The following CACNA2D3 variants were observed in gnomAD, a reference collection of about 807,000 sequenced individuals.
The protein encoded by CACNA2D3 is voltage-dependent calcium channel subunit alpha-2/delta-3.
A neutral mutation model predicts 160.6 loss-of-function variants in CACNA2D3; 60 were observed. The ratio of observed to expected loss-of-function variants is 0.37; its 90% CI spans 0.30 to 0.46. The LOEUF (loss-of-function observed/expected upper bound fraction) is 0.46. Among genes scored for constraint, CACNA2D3 ranks in the 20% least tolerant of loss-of-function variants. CACNA2D3 has a pLI of 1.00. For synonymous variants in CACNA2D3, 558 were observed against 492.9 expected (o/e 1.13, Z -1.75); for missense variants, 1,205 against 1,365.0 (o/e 0.88, Z 1.85).
chr3:54,927,480 T>A (rs1029248557), intron 27 of CACNA2D3, among the ~76,000 whole-genome samples: 5 of 152,226 alleles, frequency 3.3e-5, no homozygotes, highest in Non-Finnish European at 7.3e-5. Context: ...GCTCAAGCAT[T>A]AATTAGTTGC....
intron 4 of CACNA2D3, among the ~76,000 whole-genome samples, chr3:54,392,004 C>G: frequency 6.6e-6 from 1 of 152,150 alleles, no homozygotes; most frequent in East Asian, 1.9e-4. Flanking sequence ...TCCTTTTTTA[C>G]TTTATGCTGC....
intron 9 of CACNA2D3, among the ~76,000 whole-genome samples, chr3:54,599,009 T>C (rs946453386): frequency 2.0e-5 from 3 of 152,128 alleles, no homozygotes; most frequent in Admixed American, 6.5e-5. Flanking sequence ...GTGACAACGA[T>C]AGGAAGATAT....
chr3:55,066,579 C>T (rs1704641515), intron 35 of CACNA2D3, among the ~76,000 whole-genome samples: 1 of 152,066 alleles, frequency 6.6e-6, no homozygotes, highest in Admixed American at 6.5e-5. Context: ...AAGCCCCTCT[C>T]GGAAGATAGT....
chr3:54,843,930 T>G (rs188675908), intron 16 of CACNA2D3, among the ~76,000 whole-genome samples: 1 of 152,146 alleles, frequency 6.6e-6, no homozygotes, highest in Non-Finnish European at 1.5e-5. Flanking sequence ...TGGGTGAGTC[T>G]GAGGTGCCAG....
rs371006961 is a variant in CACNA2D3, at chr3:54,570,070, C to T, written c.854C>T (p.Thr285Ile). ...CAAACAGTCTCATCCATTTTGGATA[C>T]ACTTGGGGATGATGACTTCTTCAAC... is the stretch of plus-strand genomic sequence containing the variant. ...AKQTVSSILD[T>I]LGDDDFFNII... Residue 285 changes from threonine to isoleucine, a missense_variant, in exon 8 of 38, where the codon ACA becomes ATA. Physicochemically the swap from Thr to Ile is moderately conservative, Grantham distance 89. Around this residue, in one of 3 missense-constraint regions of CACNA2D3, gnomAD observed 131 missense variants for 201.5 expected, o/e 0.65. Transcript: ENST00000474759. 1.2e-6 allele frequency: 2 copies of T among 1,613,754 alleles called. No homozygotes were observed. The highest frequency in any genetic ancestry group is 1.7e-6 in the Non-Finnish European group (2 of 1,179,768).
At chr3:54,574,227 G>A (rs148445330) in intron 8 of CACNA2D3, among the ~76,000 whole-genome samples, 87 of 152,210 alleles carry the variant, frequency 5.7e-4, no homozygotes, top group South Asian at 6.2e-4. Flanking sequence ...GGAAGCCCTC[G>A]TGTACTGTAG....
At chr3:54,546,183 C>G (rs1393853845) in intron 5 of CACNA2D3, among the ~76,000 whole-genome samples, 16 of 152,190 alleles carry the variant, frequency 1.1e-4, no homozygotes, top group Admixed American at 1.0e-3. Context: ...AGAACCTGAG[C>G]ATGGAGGCAG....
At chr3:54,239,156 C>T (rs978886446) in intron 2 of CACNA2D3, among the ~76,000 whole-genome samples, 4 of 152,148 alleles carry the variant, frequency 2.6e-5, no homozygotes, top group Admixed American at 1.3e-4. Flanking sequence ...TCAACTAAGT[C>T]CCAGCTCTGG....
intron 14 of CACNA2D3, among the ~76,000 whole-genome samples, chr3:54,835,787 G>C (rs1385837152): frequency 7.3e-5 from 11 of 151,098 alleles, no homozygotes. Flanking sequence ...CCTGTCAGCA[G>C]TGCCTCCAGC....
chr3:54,218,882 CCT>C (rs2107374117), intron 2 of CACNA2D3, among the ~76,000 whole-genome samples: 1 of 152,166 alleles, frequency 6.6e-6, no homozygotes, highest in Admixed American at 6.5e-5. Context: ...CTGTCATCTC[CCT>C]CTCTCTTATA....
At chr3:54,404,023 G>T (rs560706506) in intron 4 of CACNA2D3, among the ~76,000 whole-genome samples, 2 of 152,094 alleles carry the variant, frequency 1.3e-5, no homozygotes, top group South Asian at 2.1e-4. Context: ...AAAAGCCCAG[G>T]ACCAGATGGC....
At chr3:54,779,504 T>A (rs1163248846) in intron 13 of CACNA2D3, among the ~76,000 whole-genome samples, 1 of 152,242 alleles carries the variant, frequency 6.6e-6, no homozygotes, top group Non-Finnish European at 1.5e-5. Context: ...ACAGTTGTAC[T>A]TGTAATGTGC....
intron 3 of CACNA2D3, among the ~76,000 whole-genome samples, chr3:54,339,109 A>T (rs1054756942): frequency 1.3e-5 from 2 of 152,236 alleles, no homozygotes; most frequent in Non-Finnish European, 2.9e-5. Flanking sequence ...ATCAGAATTC[A>T]TTGGCAAGGC....
chr3:55,061,247 C>T (rs1196869296), intron 35 of CACNA2D3, among the ~76,000 whole-genome samples: 1 of 152,196 alleles, frequency 6.6e-6, no homozygotes, highest in Non-Finnish European at 1.5e-5. Flanking sequence ...AGAGAATATG[C>T]TGGTCCGATT....
chr3:54,764,467 C>T (rs1702180947), intron 13 of CACNA2D3, 116 bp downstream of exon 13: 1 of 1,308,492 alleles, frequency 7.6e-7, no homozygotes, highest in Non-Finnish European at 1.0e-6. Flanking sequence ...TGACACTTTT[C>T]TTGATTGTTT....
At chr3:54,924,595 G>T (rs774678019) in intron 27 of CACNA2D3, 2 of 1,553,712 alleles carry the variant, frequency 1.3e-6, no homozygotes, top group Non-Finnish European at 1.8e-6. Flanking sequence ...CACAGATGGG[G>T]GGTTCCAAAT....
chr3:54,626,506 G>A (rs1480914149), intron 9 of CACNA2D3: 11 of 1,607,938 alleles, frequency 6.8e-6, no homozygotes, highest in Non-Finnish European at 8.5e-6. Context: ...CGTCTACAAC[G>A]GCAAGACCTT....
intron 12 of CACNA2D3, among the ~76,000 whole-genome samples, chr3:54,760,197 G>T (rs1420807454): frequency 1.3e-5 from 2 of 151,250 alleles, no homozygotes; most frequent in Non-Finnish European, 2.9e-5. Context: ...CAGGGTGAAG[G>T]GAGAGGAAGT....
intron 35 of CACNA2D3, among the ~76,000 whole-genome samples, chr3:55,064,927 A>G (rs547604946): frequency 2.0e-5 from 3 of 152,308 alleles, no homozygotes; most frequent in East Asian, 3.9e-4. Flanking sequence ...TAGGGACCTG[A>G]GAACACTTCC....
Sources: gnomAD v4.1 joint callset for allele counts (sites outside exome capture counted in the v4.1 genomes callset) on GRCh38, gnomAD v4.1.1 for gene constraint, gnomAD v4.1.1 regional missense constraint, MANE v1.5 for transcripts, NCBI Gene and HGNC (gene_info 2026-07-23, HGNC 2026-07-21) for gene names.